MARCHF1: variants seen among roughly 807,000 people sequenced by gnomAD.
MARCHF1 encodes E3 ubiquitin-protein ligase MARCHF1.
A neutral mutation model predicts 54.2 loss-of-function variants in MARCHF1; 40 were observed. That is an observed-to-expected ratio of 0.74 (90% CI 0.57 to 0.96). The LOEUF (loss-of-function observed/expected upper bound fraction) is 0.96. MARCHF1 is among the 40% of genes least tolerant of loss of function. The pLI is 0.00. For synonymous variants in MARCHF1, 236 were observed against 236.3 expected (o/e 1.00, Z 0.01); for missense variants, 586 against 656.5 (o/e 0.89, Z 1.17).
chr4:163,656,195 CA>C (rs986455691), intron 5 of MARCHF1, among the ~76,000 whole-genome samples: 2 of 150,154 alleles, frequency 1.3e-5, no homozygotes, highest in African/African-American at 4.9e-5. Context: ...TAAAATCAAA[CA>C]GACATAATAA....
chr4:163,648,861 T>A (rs1742860654), intron 5 of MARCHF1, among the ~76,000 whole-genome samples: 4 of 151,492 alleles, frequency 2.6e-5, no homozygotes, highest in Admixed American at 2.6e-4. Flanking sequence ...AATTTTTAAA[T>A]CCCTTTCCAT....
chr4:163,541,043 A>C (rs886950107), intron 9 of MARCHF1, among the ~76,000 whole-genome samples: 1 of 152,150 alleles, frequency 6.6e-6, no homozygotes, highest in Admixed American at 6.5e-5. Flanking sequence ...AAAAAAAATA[A>C]CTAGTCAGTG....
intron 3 of MARCHF1, among the ~76,000 whole-genome samples, chr4:163,952,241 A>C (rs1190802524): frequency 6.6e-6 from 1 of 152,200 alleles, no homozygotes; most frequent in East Asian, 1.9e-4. Context: ...TATTTCACAC[A>C]TTCTTTTATT....
chr4:163,704,695 T>G (rs558476146), intron 4 of MARCHF1, among the ~76,000 whole-genome samples: 1 of 151,688 alleles, frequency 6.6e-6, no homozygotes, highest in African/African-American at 2.4e-5. Flanking sequence ...AGCTATAGAA[T>G]ATATAATATT....
intron 5 of MARCHF1, among the ~76,000 whole-genome samples, chr4:163,684,460 C>T (rs77205389): frequency 1.3e-5 from 2 of 152,214 alleles, no homozygotes; most frequent in Admixed American, 6.5e-5. Flanking sequence ...ACATGTCACA[C>T]CAATTCCTCA....
chr4:163,689,743 C>T (rs1216292878), intron 5 of MARCHF1, among the ~76,000 whole-genome samples: 1 of 151,886 alleles, frequency 6.6e-6, no homozygotes, highest in East Asian at 1.9e-4. Flanking sequence ...CTTGTCCTAT[C>T]ATGTGTGGGA....
At chr4:164,359,123 A>T (rs1197023268) in intron 1 of MARCHF1, among the ~76,000 whole-genome samples, 1 of 152,160 alleles carries the variant, frequency 6.6e-6, no homozygotes, top group African/African-American at 2.4e-5. Context: ...TAGGAAAGCA[A>T]TTCTGTTGCT....
At chr4:163,556,243 T>C (rs900413751) in intron 8 of MARCHF1, among the ~76,000 whole-genome samples, 12 of 152,212 alleles carry the variant, frequency 7.9e-5, no homozygotes, top group Non-Finnish European at 1.8e-4. Flanking sequence ...GTGTAGTTGT[T>C]AAAATAGGGA....
At chr4:164,225,744 C>A (rs1468122359) in intron 1 of MARCHF1, among the ~76,000 whole-genome samples, 1 of 151,912 alleles carries the variant, frequency 6.6e-6, no homozygotes, top group Non-Finnish European at 1.5e-5. Flanking sequence ...AATGGGAATG[C>A]AAAATGGTAC....
intron 1 of MARCHF1, among the ~76,000 whole-genome samples, chr4:164,186,848 T>C (rs1730983413): frequency 6.6e-6 from 1 of 152,192 alleles, no homozygotes. Context: ...TGAAGGTGTG[T>C]GACTAAATCC....
At chr4:163,569,821 T>TA (rs1328534970) in intron 8 of MARCHF1, among the ~76,000 whole-genome samples, 1 of 152,182 alleles carries the variant, frequency 6.6e-6, no homozygotes, top group Non-Finnish European at 1.5e-5. Flanking sequence ...TTATTACAGT[T>TA]ACTTATCTGT....
chr4:163,620,497 T>C (rs1449948243), intron 5 of MARCHF1, among the ~76,000 whole-genome samples: 3 of 151,422 alleles, frequency 2.0e-5, no homozygotes, highest in Non-Finnish European at 4.4e-5. Context: ...TAGCAAGAAG[T>C]TGGAAACAAC....
intron 1 of MARCHF1, among the ~76,000 whole-genome samples, chr4:164,356,943 G>A (rs1391900357): frequency 2.0e-5 from 3 of 151,622 alleles, no homozygotes; most frequent in Non-Finnish European, 4.4e-5. Flanking sequence ...CAGACACTGG[G>A]GCCTACTTGT....
intron 8 of MARCHF1, among the ~76,000 whole-genome samples, chr4:163,574,084 T>C (rs1739949352): frequency 6.6e-6 from 1 of 152,202 alleles, no homozygotes; most frequent in Non-Finnish European, 1.5e-5. Flanking sequence ...CATTTTTTCA[T>C]GTGTTTTTTG....
intron 3 of MARCHF1, among the ~76,000 whole-genome samples, chr4:163,976,654 T>A (rs1267786953): frequency 2.0e-5 from 3 of 152,184 alleles, no homozygotes; most frequent in African/African-American, 4.8e-5. Context: ...TTCTGATTTG[T>A]TTGCTGTAAA....
At chr4:163,717,933 G>A (rs1182624856) in intron 4 of MARCHF1, among the ~76,000 whole-genome samples, 1 of 152,140 alleles carries the variant, frequency 6.6e-6, no homozygotes, top group African/African-American at 2.4e-5. Flanking sequence ...AAAACAGCAT[G>A]GTACTGGTAC....
intron 9 of MARCHF1, among the ~76,000 whole-genome samples, chr4:163,544,167 A>G (rs1738815101): frequency 6.6e-6 from 1 of 152,182 alleles, no homozygotes. Flanking sequence ...AAGAGAGGAC[A>G]TTGGATTTAA....
At chr4:164,127,388 A>G (rs553283258) in intron 1 of MARCHF1, among the ~76,000 whole-genome samples, 5 of 152,334 alleles carry the variant, frequency 3.3e-5, no homozygotes, top group African/African-American at 1.2e-4. Context: ...TGAAAGAGAT[A>G]AGAGCAACAC....
intron 4 of MARCHF1, among the ~76,000 whole-genome samples, chr4:163,720,239 T>C (rs1433891277): frequency 6.6e-6 from 1 of 152,240 alleles, no homozygotes; most frequent in Non-Finnish European, 1.5e-5. Flanking sequence ...TTCAGCTTTC[T>C]ACATATGGCT....
Sources: gnomAD v4.1 joint callset for allele counts (sites outside exome capture counted in the v4.1 genomes callset) on GRCh38, gnomAD v4.1.1 for gene constraint, MANE v1.5 for transcripts, NCBI Gene and HGNC (gene_info 2026-07-23, HGNC 2026-07-21) for gene names.